PHF14: variants seen among roughly 807,000 people sequenced by gnomAD.
PHF14 encodes PHD finger protein 14.
PHF14 carries 55 observed loss-of-function variants against 117.9 expected under a neutral mutation model. The ratio of observed to expected loss-of-function variants is 0.47; its 90% CI spans 0.38 to 0.58. The LOEUF is 0.58. Among genes scored for constraint, PHF14 ranks in the 20% least tolerant of loss-of-function variants. The pLI, the probability that PHF14 is intolerant of heterozygous loss-of-function variation, is 0.00. For missense variants in PHF14, 978 were observed against 1,122.2 expected (o/e 0.87, Z 1.84); for synonymous variants, 409 against 368.6 (o/e 1.11, Z -1.26).
intron 3 of PHF14, among the ~76,000 whole-genome samples, chr7:10,984,835 C>T (rs1428971078): frequency 1.3e-5 from 2 of 151,914 alleles, no homozygotes; most frequent in East Asian, 3.9e-4. Flanking sequence ...GTTTTTTTTC[C>T]CCACTAGAAG....
intron 4 of PHF14, chr7:11,006,916 T>G: frequency 2.1e-6 from 1 of 475,050 alleles, no homozygotes; most frequent in South Asian, 1.8e-5. Context: ...GGCTCACACC[T>G]TTAATCCCAG....
At chr7:11,026,368 G>GA (rs1364125567) in intron 6 of PHF14, among the ~76,000 whole-genome samples, 1 of 152,194 alleles carries the variant, frequency 6.6e-6, no homozygotes, top group African/African-American at 2.4e-5. Flanking sequence ...AACCTAACTT[G>GA]AAAATACATG....
chr7:11,017,487 G>A (rs574231621), intron 5 of PHF14, among the ~76,000 whole-genome samples: 22 of 152,238 alleles, frequency 1.4e-4, no homozygotes, highest in African/African-American at 5.1e-4. Flanking sequence ...TTTCTCTGAT[G>A]ATCAAGGATT....
intron 16 of PHF14, among the ~76,000 whole-genome samples, chr7:11,094,498 A>G (rs1007193579): frequency 6.6e-6 from 1 of 152,118 alleles, no homozygotes; most frequent in Non-Finnish European, 1.5e-5. Flanking sequence ...CTGTGATTAT[A>G]TCAGGCCCCT....
intron 16 of PHF14, chr7:11,104,883 A>T (rs914174581): frequency 1.0e-6 from 1 of 972,802 alleles, no homozygotes; most frequent in Non-Finnish European, 1.2e-6. Flanking sequence ...TATTTTTTTT[A>T]AAACATCGTT....
chr7:11,156,517 G>A (rs143822693), intron 17 of PHF14, among the ~76,000 whole-genome samples: 68 of 152,124 alleles, frequency 4.5e-4, no homozygotes, highest in Middle Eastern at 3.4e-3. Flanking sequence ...CTTTCTGGCC[G>A]GGCGTGGTGG....
intron 17 of PHF14, among the ~76,000 whole-genome samples, chr7:11,115,359 A>G: frequency 6.6e-6 from 1 of 152,040 alleles, no homozygotes; most frequent in African/African-American, 2.4e-5. Context: ...AAAATGACTC[A>G]TTAAATTAAT....
intron 16 of PHF14, among the ~76,000 whole-genome samples, chr7:11,064,192 G>T (rs978543473): frequency 4.0e-5 from 6 of 151,774 alleles, no homozygotes; most frequent in Admixed American, 6.6e-5. Flanking sequence ...TTGGGTTAAA[G>T]AATTTTTATA....
At chr7:10,991,858 A>G (rs1315632020) in intron 4 of PHF14, among the ~76,000 whole-genome samples, 1 of 143,806 alleles carries the variant, frequency 7.0e-6, no homozygotes, top group Non-Finnish European at 1.5e-5. Context: ...TCGGCCTCTC[A>G]AAGTGCTGAG....
chr7:11,063,760 A>G (rs911391501), intron 16 of PHF14: 12 of 777,130 alleles, frequency 1.5e-5, no homozygotes, highest in Non-Finnish European at 1.9e-5. Context: ...AACCCATCAT[A>G]TTTTAGTCGT....
At chr7:11,129,743 A>T (rs921425393) in intron 17 of PHF14, among the ~76,000 whole-genome samples, 7 of 151,950 alleles carry the variant, frequency 4.6e-5, no homozygotes, top group African/African-American at 1.7e-4. Flanking sequence ...TAGTAAGATG[A>T]GACATAAATC....
chr7:10,988,004 G>A (rs11979379), intron 3 of PHF14, among the ~76,000 whole-genome samples: 21,610 of 107,532 alleles, frequency 0.2, 2,064 homozygotes, highest in African/African-American at 0.31. Flanking sequence ...CAACAAGAGC[G>A]AAACTCCTTC....
In PHF14 at chr7:10,982,710, A is replaced by G. The variant is rs774708348; in HGVS notation, c.451A>G (p.Thr151Ala). The change falls in exon 3 of 18, where the codon ACC becomes GCC. Residue 151 changes from threonine (T) to alanine (A), a missense_variant. By Grantham distance (58) the Thr-to-Ala change is moderately conservative (BLOSUM62 0). Around this residue, in one of 7 missense-constraint regions of PHF14, gnomAD observed 414 missense variants for 376.4 expected, o/e 1.10. Transcript: ENST00000634607. ...SENVAASAAA[T>A]TPATSPPAVN... ...GAATGTGGCTGCTTCTGCTGCTGCC[A>G]CCACACCAGCCACAAGTCCTCCTGC... 15 of 1,611,424 alleles carry G rather than the reference A, an allele frequency of 9.3e-6. No individual in the cohort carries two copies. The Admixed American group carries it at 2.4e-4, about 25-fold the overall frequency.
chr7:11,096,973 C>CTTTTTTTTTTTTT, intron 16 of PHF14, among the ~76,000 whole-genome samples: 1 of 108,586 alleles, frequency 9.2e-6, no homozygotes, highest in Non-Finnish European at 1.8e-5. Context: ...TAGACTAGAA[C>CTTTTTTTTTTTTT]TTTTTTTTTT....
Position 11,145,169 on chromosome 7 carries a change from A to C in PHF14, c.2773-24247A>C, listed in dbSNP as rs549574098. Among the ~76,000 whole-genome samples, 335 of 152,144 alleles carry C rather than the reference A, an allele frequency of 2.2e-3. 1 individual carries two copies. The highest frequency in any genetic ancestry group is 7.7e-3 in the African/African-American group (318 of 41,538). ...AACCCTCGGGAGGGGTTCAGGTGGC[A>C]GAGGAACTCACCTGGTTTGAAAGGT... On this transcript the variant is annotated intron_variant, in intron 17 of 17. Transcript: ENST00000634607.
At chr7:11,031,192 TAAAA>T (rs370195255) in intron 7 of PHF14, among the ~76,000 whole-genome samples, 77 of 148,294 alleles carry the variant, frequency 5.2e-4, no homozygotes, top group African/African-American at 1.8e-3. Flanking sequence ...TATAGGCTGT[TAAAA>T]AAAAAAGGTT....
At chr7:11,000,199 T>A (rs1256227681) in intron 4 of PHF14, among the ~76,000 whole-genome samples, 1 of 152,220 alleles carries the variant, frequency 6.6e-6, no homozygotes, top group African/African-American at 2.4e-5. Flanking sequence ...ACGCTACTAC[T>A]TTCATCCTCT....
chr7:10,982,346 T>G (rs79565747), intron 2 of PHF14, 26 bp from the exon 3 acceptor site: 6 of 1,409,324 alleles, frequency 4.3e-6, no homozygotes, highest in African/African-American at 1.5e-5. Context: ...ATATGTGTGG[T>G]TTTTTTTTTC....
At chr7:11,121,074 A>G (rs1363574984) in intron 17 of PHF14, among the ~76,000 whole-genome samples, 15 of 152,214 alleles carry the variant, frequency 9.9e-5, no homozygotes, top group Admixed American at 9.8e-4. Flanking sequence ...AAGACAATTT[A>G]TAAGTCCACT....
Sources: gnomAD v4.1 joint callset for allele counts (sites outside exome capture counted in the v4.1 genomes callset) on GRCh38, gnomAD v4.1.1 for gene constraint, gnomAD v4.1.1 regional missense constraint, MANE v1.5 for transcripts, NCBI Gene and HGNC (gene_info 2026-07-23, HGNC 2026-07-21) for gene names.